Variants in RTN4RL1 observed in about 807,000 individuals in gnomAD.
RTN4RL1 encodes reticulon 4 receptor like 1.
In RTN4RL1, 7 loss-of-function variants were observed where a neutral mutation model predicts 25.6. The ratio of observed to expected loss-of-function variants is 0.27; its 90% CI spans 0.16 to 0.51. RTN4RL1 has a LOEUF of 0.51. Among genes scored for constraint, RTN4RL1 ranks in the 20% least tolerant of loss-of-function variants. The pLI is 0.97. For missense variants in RTN4RL1, 500 were observed against 615.6 expected (o/e 0.81, Z 1.99); for synonymous variants, 297 against 288.2 (o/e 1.03, Z -0.31).
chr17:2,002,571 C>T (rs909263230), intron 1 of RTN4RL1, among the ~76,000 whole-genome samples: 2 of 151,880 alleles, frequency 1.3e-5, no homozygotes, highest in Admixed American at 6.6e-5. Flanking sequence ...GGATTACAGG[C>T]GTGAGCCACC....
At chr17:1,964,559 C>T (rs1474461366) in intron 1 of RTN4RL1, among the ~76,000 whole-genome samples, 8 of 151,952 alleles carry the variant, frequency 5.3e-5, no homozygotes, top group African/African-American at 9.6e-5. Flanking sequence ...GGTGAAACCC[C>T]GTCTCTACTA....
At chr17:1,946,889 T>C (rs1567850159) in intron 1 of RTN4RL1, among the ~76,000 whole-genome samples, 1 of 147,234 alleles carries the variant, frequency 6.8e-6, no homozygotes, top group Non-Finnish European at 1.5e-5. Flanking sequence ...TCTCTGTGTG[T>C]GCACGTGTGT....
At position 1,936,356 on chromosome 17, in the gene RTN4RL1, C is replaced by A; in HGVS notation, c.*140G>T. ...GGTTTATAATCCACATGGCAGGGTC[C>A]AGACGTCCAGACAGCAGCCGAAGGC... is the stretch of plus-strand genomic sequence containing the variant. On this transcript the variant is annotated 3_prime_UTR_variant, in exon 2 of 2. Coordinates refer to ENST00000331238, the MANE Select transcript of RTN4RL1 (RefSeq NM_178568.4). 1 of 1,437,592 alleles carries A rather than the reference C, an allele frequency of 7.0e-7. No homozygotes were observed. Among genetic ancestry groups the A allele is most frequent in the Non-Finnish European group, 9.1e-7 (1 of 1,101,686 alleles). 89.1% of individuals were successfully genotyped at this position (1,437,592 alleles called of 1,614,324 possible).
At chr17:1,986,676 T>C (rs2066888827) in intron 1 of RTN4RL1, among the ~76,000 whole-genome samples, 1 of 152,030 alleles carries the variant, frequency 6.6e-6, no homozygotes, top group South Asian at 2.1e-4. Flanking sequence ...TGATTTCAGA[T>C]TTCTGGCCTC....
At chr17:1,984,898 C>T (rs919118464) in intron 1 of RTN4RL1, among the ~76,000 whole-genome samples, 11 of 151,746 alleles carry the variant, frequency 7.2e-5, no homozygotes, top group African/African-American at 1.9e-4. Context: ...ACCCAGAAGG[C>T]GGAGGTTGCA....
rs574782163 is a variant in RTN4RL1 at position 1,936,170 on chromosome 17, G to A, written c.*326C>T. On this transcript the variant is annotated 3_prime_UTR_variant, in exon 2 of 2. Coordinates refer to ENST00000331238, the MANE Select transcript of RTN4RL1 (RefSeq NM_178568.4). ...CGGGATTCCACAGAGCCCCGGTGCCGCCGTCGGGGGCAATTGTCCCACTGT... is the reference window on the plus strand; with the variant it reads ...CGGGATTCCACAGAGCCCCGGTGCCACCGTCGGGGGCAATTGTCCCACTGT... 272 of 1,138,400 alleles carry A rather than the reference G, an allele frequency of 2.4e-4. 9 individuals are homozygous for A. The South Asian group carries it at 8.0e-3, about 33-fold the overall frequency. The allele number at this position is 1,138,400 out of a possible 1,614,324, so 70.5% of individuals were successfully genotyped here. A position where few individuals can be genotyped will look rare whatever the true frequency, so the allele number is the denominator to read the frequency against.
chr17:1,984,326 T>C (rs2066879323), intron 1 of RTN4RL1, among the ~76,000 whole-genome samples: 2 of 152,154 alleles, frequency 1.3e-5, no homozygotes, highest in African/African-American at 4.8e-5. Flanking sequence ...GTGACACAGG[T>C]GACAGTGAGG....
At chr17:1,990,620 G>A (rs1166018927) in intron 1 of RTN4RL1, among the ~76,000 whole-genome samples, 3 of 152,088 alleles carry the variant, frequency 2.0e-5, no homozygotes, top group Admixed American at 6.6e-5. Flanking sequence ...AGGATCGCTT[G>A]AGCCCAGGAG....
chr17:2,006,018 C>T (rs1057062070), intron 1 of RTN4RL1, among the ~76,000 whole-genome samples: 6 of 151,904 alleles, frequency 3.9e-5, no homozygotes, highest in East Asian at 1.9e-4. Context: ...AGGATGGTCT[C>T]GATCTCTTGA....
chr17:1,984,525 T>G (rs9906159), intron 1 of RTN4RL1, among the ~76,000 whole-genome samples: 13,641 of 152,202 alleles, frequency 0.09, 1,766 homozygotes, highest in African/African-American at 0.28. Flanking sequence ...CCATGGTGCC[T>G]GGCCCCATCC....
chr17:1,991,280 T>C (rs1160870466), intron 1 of RTN4RL1, among the ~76,000 whole-genome samples: 3 of 151,522 alleles, frequency 2.0e-5, no homozygotes, highest in South Asian at 4.2e-4. Context: ...CATAGGCTTG[T>C]AGGGAGGGAG....
chr17:1,985,460 C>T, intron 1 of RTN4RL1, among the ~76,000 whole-genome samples: 1 of 152,178 alleles, frequency 6.6e-6, no homozygotes, highest in East Asian at 1.9e-4. Flanking sequence ...GAGTCCACCC[C>T]CTCCTGGGTC....
rs544296220 is a variant in RTN4RL1, at chr17:1,998,304, C to T, written c.13+26549G>A. On this transcript the variant is annotated intron_variant, in intron 1 of 1. Coordinates refer to ENST00000331238, the MANE Select transcript of RTN4RL1 (RefSeq NM_178568.4). This position sits in a 1 kb window ranked among gnomAD's most constrained non-coding sequence, Gnocchi z 4.9. ...AAGGCCTCCCGCAGGCCGACCCGAG[C>T]CGAGCGCGCCCTTTGGGCACCGGCC... Among the ~76,000 whole-genome samples, 100 of 152,302 alleles carry T rather than the reference C, an allele frequency of 6.6e-4. No individual in the cohort carries two copies. Among genetic ancestry groups the T allele is most frequent in the African/African-American group, 2.3e-3 (94 of 41,584 alleles).
At chr17:1,995,007 T>C (rs571959101) in intron 1 of RTN4RL1, among the ~76,000 whole-genome samples, 1 of 151,966 alleles carries the variant, frequency 6.6e-6, no homozygotes, top group African/African-American at 2.4e-5. Context: ...CAAGGCCCTG[T>C]GTCTGGAGCA....
intron 1 of RTN4RL1, among the ~76,000 whole-genome samples, chr17:1,949,207 C>T (rs759444072): frequency 1.2e-4 from 19 of 152,076 alleles, no homozygotes; most frequent in Admixed American, 5.2e-4. Flanking sequence ...ATGATCTGCC[C>T]GCCTCGGCCT....
chr17:1,965,606 G>A (rs905571363), intron 1 of RTN4RL1, among the ~76,000 whole-genome samples: 2 of 152,266 alleles, frequency 1.3e-5, no homozygotes, highest in Admixed American at 6.5e-5. Flanking sequence ...TACCGTGGAG[G>A]AGCAGGGCAG....
chr17:1,938,521 C>T (rs1363766195), intron 1 of RTN4RL1, among the ~76,000 whole-genome samples: 7 of 151,652 alleles, frequency 4.6e-5, no homozygotes, highest in Non-Finnish European at 1.0e-4. Context: ...AGGCTGGTCT[C>T]GAACTCCCCG....
At position 1,937,628 on chromosome 17, in the gene RTN4RL1, C is replaced by T. The variant is rs375704646; in HGVS notation, c.194G>A (p.Arg65His). 1.8e-4 allele frequency: 298 copies of T among 1,613,720 alleles called. No individual in the cohort carries two copies. Among genetic ancestry groups the T allele is most frequent in the Admixed American group, 2.8e-4 (17 of 60,002 alleles). The stretch of plus-strand genomic sequence containing the variant: ...GTGGCCGGGCTGGAGGAGGCCGATG[C>T]GGTTGTTCTGCAGGAAGACGCGCTC... ...DSERVFLQNNRIGLLQPGHFS... is the reference protein window; with the variant it reads ...DSERVFLQNNHIGLLQPGHFS... The change falls in exon 2 of 2, where the codon CGC becomes CAC. Residue 65 changes from arginine to histidine, a missense_variant. This residue lies in a region of RTN4RL1 where 232 missense variants were observed against 341.1 expected (regional missense o/e 0.68). Coordinates refer to ENST00000331238, the MANE Select transcript of RTN4RL1 (RefSeq NM_178568.4).
intron 1 of RTN4RL1, among the ~76,000 whole-genome samples, chr17:1,959,784 C>T (rs1028356639): frequency 1.3e-5 from 2 of 152,092 alleles, no homozygotes; most frequent in Non-Finnish European, 2.9e-5. Context: ...CAGCTGGTTT[C>T]GAACTCCTGA....
Sources: gnomAD v4.1 joint callset for allele counts (sites outside exome capture counted in the v4.1 genomes callset) on GRCh38, gnomAD v4.1.1 for gene constraint, gnomAD v4.1.1 regional missense constraint, Gnocchi (gnomAD v3.1) non-coding constraint, MANE v1.5 for transcripts, NCBI Gene and HGNC (gene_info 2026-07-23, HGNC 2026-07-21) for gene names.